The following TMEM116 variants were observed in gnomAD, a reference collection of about 807,000 sequenced individuals.
TMEM116 encodes transmembrane protein 116.
Under a neutral mutation model 44.3 loss-of-function variants are expected in TMEM116, and 38 were observed. The observed-to-expected ratio is 0.86, with a 90% CI of 0.66 to 1.12. The LOEUF is 1.12. TMEM116 is among the 50% of genes most tolerant of loss of function. TMEM116 has a pLI of 0.00. For missense variants in TMEM116, 354 were observed against 401.7 expected (o/e 0.88, Z 1.01); for synonymous variants, 132 against 144.8 (o/e 0.91, Z 0.64).
At chr12:111,976,117 T>G (rs1339314098) in intron 4 of TMEM116, among the ~76,000 whole-genome samples, 1 of 151,884 alleles carries the variant, frequency 6.6e-6, no homozygotes, top group Non-Finnish European at 1.5e-5. Flanking sequence ...CAAGGGATTC[T>G]CCTGTCTCAG....
At chr12:112,002,628 C>G (rs2077324864) in intron 3 of TMEM116, among the ~76,000 whole-genome samples, 1 of 151,746 alleles carries the variant, frequency 6.6e-6, no homozygotes. Flanking sequence ...TACTGTGTAA[C>G]TTGAACAAAT....
At chr12:111,987,523 A>G (rs545998921) in intron 4 of TMEM116, among the ~76,000 whole-genome samples, 41 of 152,042 alleles carry the variant, frequency 2.7e-4, no homozygotes, top group African/African-American at 9.9e-4. Flanking sequence ...AAAAAAAAAA[A>G]AGGGGGAAAG....
chr12:111,960,461 C>T (rs2074492976), intron 4 of TMEM116, among the ~76,000 whole-genome samples: 1 of 135,616 alleles, frequency 7.4e-6, no homozygotes, highest in African/African-American at 2.8e-5. Context: ...CACTGTACTC[C>T]AGCCTGGGCG....
chr12:111,999,379 C>T (rs539188381), intron 3 of TMEM116, among the ~76,000 whole-genome samples: 2 of 152,112 alleles, frequency 1.3e-5, no homozygotes, highest in African/African-American at 4.8e-5. Flanking sequence ...GGGTGGATCA[C>T]GAGGTCAGGA....
intron 4 of TMEM116, among the ~76,000 whole-genome samples, chr12:111,969,072 G>A (rs952422988): frequency 1.3e-5 from 2 of 150,118 alleles, no homozygotes; most frequent in African/African-American, 2.4e-5. Context: ...TGTAATCCCA[G>A]CACTTTGGGA....
intron 4 of TMEM116, among the ~76,000 whole-genome samples, chr12:111,978,028 C>T (rs1019323625): frequency 2.0e-5 from 3 of 151,360 alleles, no homozygotes; most frequent in African/African-American, 4.9e-5. Flanking sequence ...AGATATTAAT[C>T]CAACTATATC....
chr12:111,998,693 T>C (rs1190186625), intron 3 of TMEM116, among the ~76,000 whole-genome samples: 1 of 152,084 alleles, frequency 6.6e-6, no homozygotes, highest in Non-Finnish European at 1.5e-5. Context: ...TGGTGGCATA[T>C]GCCTGTAGTC....
intron 4 of TMEM116, among the ~76,000 whole-genome samples, chr12:111,988,748 T>C (rs1351692752): frequency 6.6e-6 from 1 of 151,472 alleles, no homozygotes. Flanking sequence ...TCCCAGCACT[T>C]TGGGAGGCCG....
intron 1 of TMEM116, chr12:112,012,206 G>A (rs1289440008): frequency 6.6e-6 from 1 of 152,206 alleles, no homozygotes. Flanking sequence ...CAGCTCAAAA[G>A]TCACCTCCTG....
chr12:111,953,594 G>A (rs905413821), intron 4 of TMEM116, among the ~76,000 whole-genome samples: 6 of 152,144 alleles, frequency 3.9e-5, no homozygotes, highest in African/African-American at 1.4e-4. Context: ...CACACAAAAA[G>A]TACTTATGCA....
chr12:112,010,388 A>C (rs2077781778), intron 1 of TMEM116: 1 of 152,256 alleles, frequency 6.6e-6, no homozygotes, highest in Non-Finnish European at 1.5e-5. Flanking sequence ...CTTGTCCTGC[A>C]TCCAGGAAAA....
intron 4 of TMEM116, among the ~76,000 whole-genome samples, chr12:111,968,945 G>A (rs12426312): frequency 0.096 from 13,419 of 140,174 alleles, 678 homozygotes; most frequent in East Asian, 0.26. Flanking sequence ...GTGAGCCCAC[G>A]TCGTGTCACT....
chr12:111,959,106 A>G (rs911255612), intron 4 of TMEM116, among the ~76,000 whole-genome samples: 1 of 152,204 alleles, frequency 6.6e-6, no homozygotes, highest in Non-Finnish European at 1.5e-5. Context: ...GAGAAAGGTC[A>G]GGTTACCCAC....
intron 1 of TMEM116, among the ~76,000 whole-genome samples, chr12:112,008,153 C>T (rs930939551): frequency 1.3e-5 from 2 of 152,142 alleles, no homozygotes; most frequent in African/African-American, 4.8e-5. Flanking sequence ...TGCACTCACG[C>T]TCCAGCCTGA....
chr12:111,974,648 C>G (rs2075562480), intron 4 of TMEM116, among the ~76,000 whole-genome samples: 1 of 139,138 alleles, frequency 7.2e-6, no homozygotes, highest in Non-Finnish European at 1.5e-5. Context: ...GAGTGAGACT[C>G]TGTCGCAAAA....
intron 2 of TMEM116, among the ~76,000 whole-genome samples, chr12:112,004,213 T>C (rs945618103): frequency 6.6e-6 from 1 of 152,020 alleles, no homozygotes; most frequent in Admixed American, 6.6e-5. Flanking sequence ...ACTCCTGGCC[T>C]CATGTGATCT....
intron 4 of TMEM116, among the ~76,000 whole-genome samples, chr12:111,950,011 A>G (rs1477299947): frequency 2.0e-5 from 3 of 152,144 alleles, no homozygotes; most frequent in Non-Finnish European, 4.4e-5. Context: ...GCTACTCAAG[A>G]GGCTGAGGCA....
chr12:111,996,781 A>G (rs1312776198), intron 3 of TMEM116, among the ~76,000 whole-genome samples: 1 of 152,252 alleles, frequency 6.6e-6, no homozygotes, highest in Non-Finnish European at 1.5e-5. Flanking sequence ...AAGAATGCTT[A>G]TAGCAGCATA....
At chr12:111,956,849 T>C (rs1475549887) in intron 4 of TMEM116, among the ~76,000 whole-genome samples, 1 of 152,144 alleles carries the variant, frequency 6.6e-6, no homozygotes, top group East Asian at 1.9e-4. Flanking sequence ...AGTGGCGTGA[T>C]CTCGGATCGC....
Sources: gnomAD v4.1 joint callset for allele counts (sites outside exome capture counted in the v4.1 genomes callset) on GRCh38, gnomAD v4.1.1 for gene constraint, MANE v1.5 for transcripts, NCBI Gene and HGNC (gene_info 2026-07-23, HGNC 2026-07-21) for gene names.